Variants in KIF13A observed in about 807,000 individuals in gnomAD.
KIF13A encodes the protein kinesin family member 13A.
Under a neutral mutation model 212.2 loss-of-function variants are expected in KIF13A, and 79 were observed. That is an observed-to-expected ratio of 0.37 (90% CI 0.31 to 0.45). KIF13A has a LOEUF of 0.45. Among genes scored for constraint, KIF13A ranks in the 20% least tolerant of loss-of-function variants. The probability of loss-of-function intolerance (pLI) is 1.00; values close to 1 mark genes in which losing one functional copy is unlikely to be tolerated. For missense variants in KIF13A, 1,901 were observed against 2,209.0 expected (o/e 0.86, Z 2.79); for synonymous variants, 789 against 808.6 (o/e 0.98, Z 0.41).
intron 12 of KIF13A, among the ~76,000 whole-genome samples, chr6:17,833,014 C>CAAAAAAAAAAAAAAAA (rs61281213): frequency 8.0e-5 from 6 of 75,396 alleles, no homozygotes; most frequent in African/African-American, 3.4e-4. Context: ...ACTCTGTCTG[C>CAAAAAAAAAAAAAAAA]AAAAAAAAAA....
At chr6:17,819,225 T>G (rs906149976) in intron 16 of KIF13A, among the ~76,000 whole-genome samples, 1 of 152,092 alleles carries the variant, frequency 6.6e-6, no homozygotes, top group Admixed American at 6.6e-5. Context: ...GGTCTCGATC[T>G]CCTGACCTCA....
At chr6:17,904,947 T>C (rs1773367081) in intron 2 of KIF13A, among the ~76,000 whole-genome samples, 2 of 152,232 alleles carry the variant, frequency 1.3e-5, no homozygotes, top group Non-Finnish European at 2.9e-5. Flanking sequence ...GACATATTCC[T>C]TATTATGAAG....
intron 2 of KIF13A, among the ~76,000 whole-genome samples, chr6:17,958,814 C>T (rs2150582742): frequency 6.6e-6 from 1 of 151,268 alleles, no homozygotes; most frequent in South Asian, 2.1e-4. Context: ...TTATTCAATA[C>T]ATAAAAATCC....
Position 17,968,422 on chromosome 6 carries a change from G to A in KIF13A, c.146+18632C>T, listed in dbSNP as rs767912191. ...GCTTCTCATGCTGACTCACAAGAAT[G>A]CCCAACTACATCAGGTTGGTGTAGG... On this transcript the variant is annotated intron_variant, in intron 2 of 38. Transcript: ENST00000259711. The surrounding 1 kb of genome is among the most constrained non-coding windows in gnomAD (Gnocchi z 4.7). Among the ~76,000 whole-genome samples the A allele has an allele frequency of 1.3e-5, 2 of 152,162 alleles. No homozygotes were observed. The highest frequency in any genetic ancestry group is 2.9e-5 in the Non-Finnish European group (2 of 68,038).
intron 2 of KIF13A, among the ~76,000 whole-genome samples, chr6:17,958,709 T>C (rs1778554952): frequency 6.6e-6 from 1 of 152,184 alleles, no homozygotes; most frequent in South Asian, 2.1e-4. Flanking sequence ...TTCAATTATA[T>C]GATTTATTCT....
chr6:17,762,507 C>T (rs980906773), downstream of KIF13A, among the ~76,000 whole-genome samples: 6 of 152,102 alleles, frequency 3.9e-5, no homozygotes, highest in Non-Finnish European at 8.8e-5. Context: ...CCACCATACT[C>T]GGCCATGAAT....
chr6:17,909,263 C>T lies in KIF13A; in HGVS notation c.147-11083G>A, dbSNP rs377208421. On this transcript the variant is annotated intron_variant, in intron 2 of 38. Coordinates refer to ENST00000259711, the MANE Select transcript of KIF13A (RefSeq NM_022113.6). ...GAAAAGAAAGGTTTTTGGCTGGGTGCTGTGGCTTATGCCTGTAATCCCAGC... is the reference window on the plus strand; with the variant it reads ...GAAAAGAAAGGTTTTTGGCTGGGTGTTGTGGCTTATGCCTGTAATCCCAGC... 5.3e-5 allele frequency among the ~76,000 whole-genome samples: 8 copies of T among 152,172 alleles called. No individual in the cohort carries two copies. The East Asian group carries it at 9.6e-4, about 18-fold the overall frequency.
chr6:17,840,402 T>G (rs1172212621), intron 9 of KIF13A, among the ~76,000 whole-genome samples: 1 of 152,204 alleles, frequency 6.6e-6, no homozygotes, highest in Non-Finnish European at 1.5e-5. Context: ...TTTCACATTT[T>G]GCAACTATTG....
At chr6:17,942,847 A>G (rs1777066461) in intron 2 of KIF13A, among the ~76,000 whole-genome samples, 1 of 151,802 alleles carries the variant, frequency 6.6e-6, no homozygotes, top group African/African-American at 2.4e-5. Context: ...GCGTGGTGTC[A>G]ACACGCCTGT....
chr6:17,803,012 C>A (rs1762608630), intron 20 of KIF13A, among the ~76,000 whole-genome samples: 1 of 150,794 alleles, frequency 6.6e-6, no homozygotes, highest in South Asian at 2.1e-4. Context: ...TGGCTCACTG[C>A]AACCTCCACC....
rs1347108559 is a variant in KIF13A at position 17,773,683 on chromosome 6, A to G, written c.4219-100T>C. 1.2e-5 allele frequency: 7 copies of G among 562,632 alleles called. No individual in the cohort carries two copies. The highest frequency in any genetic ancestry group is 1.9e-5 in the Non-Finnish European group (6 of 318,354). 34.9% of individuals were successfully genotyped at this position (562,632 alleles called of 1,614,324 possible). On this transcript the variant is annotated intron_variant, in intron 35 of 38. Coordinates refer to ENST00000259711, the MANE Select transcript of KIF13A (RefSeq NM_022113.6). This position sits in a 1 kb window ranked among gnomAD's most constrained non-coding sequence, Gnocchi z 4.2. ...TTCTGTTTTTTTTTAATGGCAGCATATGCTCTTCTTTATTTTTATTATGAT... is the reference window on the plus strand; with the variant it reads ...TTCTGTTTTTTTTTAATGGCAGCATGTGCTCTTCTTTATTTTTATTATGAT...
intron 3 of KIF13A, among the ~76,000 whole-genome samples, chr6:17,874,957 T>TTTTTTTTTTTTTTTTTGAGACGG (rs1554188576): frequency 7.1e-6 from 1 of 141,348 alleles, no homozygotes; most frequent in East Asian, 2.1e-4. Context: ...CATTCCTTTT[T>TTTTTTTTTTTTTTTTTGAGACGG]ATGGCTAAGT....
At position 17,963,659 on chromosome 6, in the gene KIF13A, C is replaced by T. The variant is rs576790762; in HGVS notation, c.146+23395G>A. Among the ~76,000 whole-genome samples, 4 of 152,270 alleles carry T rather than the reference C, an allele frequency of 2.6e-5. No individual in the cohort carries two copies. Among genetic ancestry groups the T allele is most frequent in the East Asian group, 1.9e-4 (1 of 5,156 alleles). ...GCAACCTCCGCCTCCTGGGTTCCAA[C>T]GATTCCCCTGCCTCAGGCTCCCAAG... On this transcript the variant is annotated intron_variant, in intron 2 of 38. Coordinates refer to ENST00000259711, the MANE Select transcript of KIF13A (RefSeq NM_022113.6). This position sits in a 1 kb window ranked among gnomAD's most constrained non-coding sequence, Gnocchi z 4.1.
intron 2 of KIF13A, among the ~76,000 whole-genome samples, chr6:17,935,746 A>G (rs1776401981): frequency 6.6e-6 from 1 of 152,258 alleles, no homozygotes; most frequent in African/African-American, 2.4e-5. Context: ...TTACAAGTAT[A>G]TAACAAAAAG....
intron 25 of KIF13A, among the ~76,000 whole-genome samples, chr6:17,793,598 G>A (rs905815093): frequency 1.3e-5 from 2 of 151,976 alleles, no homozygotes; most frequent in African/African-American, 2.4e-5. Flanking sequence ...TTATGACAGT[G>A]TATGAAAATA....
chr6:17,894,626 T>C (rs59276805), intron 3 of KIF13A, among the ~76,000 whole-genome samples: 7,004 of 152,242 alleles, frequency 0.046, 547 homozygotes, highest in African/African-American at 0.16. Flanking sequence ...TATTAACATC[T>C]TTATTAGTGT....
rs530279492 is a variant in KIF13A, at chr6:17,939,108, A to G, written c.147-40928T>C. Among the ~76,000 whole-genome samples the G allele has an allele frequency of 4.0e-4, 61 of 152,308 alleles. 1 individual carries two copies. In the South Asian group the frequency reaches 0.012, roughly 30 times the overall value. ...AACAGAAACAAATTTAAATCTCAGAAAAACTCTAAGGCACTTTAGGGCGCT... is the reference window on the plus strand; with the variant it reads ...AACAGAAACAAATTTAAATCTCAGAGAAACTCTAAGGCACTTTAGGGCGCT... On this transcript the variant is annotated intron_variant, in intron 2 of 38. Transcript: ENST00000259711.
intron 7 of KIF13A, among the ~76,000 whole-genome samples, chr6:17,851,396 C>A (rs1288317468): frequency 6.6e-6 from 1 of 152,182 alleles, no homozygotes; most frequent in African/African-American, 2.4e-5. Context: ...TCATTCACAT[C>A]CTTTAGCAAC....
At chr6:17,791,108 C>CT (rs75867605) in intron 25 of KIF13A, among the ~76,000 whole-genome samples, 150 of 137,218 alleles carry the variant, frequency 1.1e-3, no homozygotes, top group East Asian at 8.6e-3. Context: ...AAATGAACTG[C>CT]TTTTTTTTTT....
Sources: allele counts gnomAD v4.1 joint callset (sites outside exome capture counted in the v4.1 genomes callset), GRCh38; gene constraint gnomAD v4.1.1; non-coding constraint Gnocchi (gnomAD v3.1); transcripts MANE v1.5; gene names NCBI Gene and HGNC (gene_info 2026-07-23, HGNC 2026-07-21).